Variants in PLA2G4F observed in about 807,000 individuals in gnomAD.
PLA2G4F encodes the protein cytosolic phospholipase A2 zeta.
PLA2G4F carries 105 observed loss-of-function variants against 103.1 expected under a neutral mutation model. The ratio of observed to expected loss-of-function variants is 1.02; its 90% CI spans 0.87 to 1.20. PLA2G4F has a LOEUF of 1.20. PLA2G4F is among the 50% of genes most tolerant of loss of function. The pLI, the probability that PLA2G4F is intolerant of heterozygous loss-of-function variation, is 0.00. For missense variants in PLA2G4F, 1,155 were observed against 1,075.9 expected, an observed-to-expected ratio of 1.07 and a Z score of -1.03; for synonymous variants, 468 against 441.1, an observed-to-expected ratio of 1.06 and a Z score of -0.76.
rs771499054 is a variant in PLA2G4F at position 42,147,722 on chromosome 15, C to T, written c.1100G>A (p.Arg367Gln). 3.4e-5 allele frequency: 55 copies of T among 1,610,488 alleles called. 1 individual carries two copies. In the Middle Eastern group the frequency reaches 4.9e-4, roughly 14 times the overall value. The change falls in exon 12 of 20, where the codon CGA (arginine) becomes CAA (glutamine). Residue 367 changes from arginine to glutamine, a missense_variant. Around this residue, in one of 3 missense-constraint regions of PLA2G4F, gnomAD observed 782 missense variants for 692.9 expected, o/e 1.13. Coordinates refer to ENST00000397272, the MANE Select transcript of PLA2G4F (RefSeq NM_213600.4). ...GCTGCCGTACAGAGAAGACATGGCT[C>T]GGGTTCCACCCCCGGAACCCAACAC... ...VAVLGSGGGT[R>Q]AMSSLYGSLA... is the part of the protein sequence containing the mutation.
intron 16 of PLA2G4F, 87 bp from the exon 17 acceptor site, chr15:42,144,731 C>A: frequency 1.5e-6 from 2 of 1,306,974 alleles, no homozygotes; most frequent in South Asian, 3.2e-5. Context: ...TGCCCCTCCC[C>A]AACAGTGAGC....
In PLA2G4F at chr15:42,147,281, C is replaced by A; in HGVS notation, c.1262G>T (p.Arg421Leu). 1.9e-6 allele frequency: 3 copies of A among 1,611,378 alleles called. No individual in the cohort carries two copies. The highest frequency in any genetic ancestry group is 1.7e-6 in the Non-Finnish European group (2 of 1,179,982). Residue 421 changes from arginine to leucine, a missense_variant, in exon 13 of 20, where the codon CGT becomes CTT. Coordinates refer to ENST00000397272, the MANE Select transcript of PLA2G4F (RefSeq NM_213600.4). ...SQVALQGPIE[R>L]AQVHVCSSKM... ...ACTGCTGCAGACGTGAACCTGGGCA[C>A]GCTCAATGGGGCCCTGCAAGGCCAC...
rs539179839 is a variant in PLA2G4F at position 42,142,221 on chromosome 15, C to G, written c.2330-17G>C. 6.9e-6 allele frequency: 11 copies of G among 1,599,000 alleles called. No homozygotes were observed. The South Asian group carries it at 1.2e-4, about 18-fold the overall frequency. ...GCTCCACACCTGTGGGTGGGGGAAG[C>G]AGAGGAGAGGCCAGGATGGAGCCCT... On this transcript the variant is annotated splice_polypyrimidine_tract_variant and intron_variant, in intron 19 of 19. Transcript: ENST00000397272.
Position 42,143,960 on chromosome 15 carries a change from C to T in PLA2G4F, c.2142+18G>A, listed in dbSNP as rs2048851249. Reference sequence around the variant, plus strand: ...CACTCACTGCAGGTGCTCCCCACATCCCTGCCTCCCAGCTCACCTCAAAAG... The same window carrying T: ...CACTCACTGCAGGTGCTCCCCACATTCCTGCCTCCCAGCTCACCTCAAAAG... On this transcript the variant is annotated intron_variant, in intron 18 of 19. Coordinates refer to ENST00000397272, the MANE Select transcript of PLA2G4F (RefSeq NM_213600.4). The T allele has an allele frequency of 6.3e-7, 1 of 1,587,924 alleles. No individual in the cohort carries two copies. The highest frequency in any genetic ancestry group is 8.6e-7 in the Non-Finnish European group (1 of 1,164,622).
At position 42,142,626 on chromosome 15, in the gene PLA2G4F, C is replaced by T. The variant is rs28674123; in HGVS notation, c.2231G>A (p.Arg744His). ...AGCCTTGGCAAACAGATAGCACTCA[C>T]GGGCCTCCTCCATGTCCTCAGGGCC... is the stretch of plus-strand genomic sequence containing the variant. ...EVGPEDMEEA[R>H]ECYLFAKAED... Residue 744 changes from arginine to histidine, a missense_variant, in exon 19 of 20, where the codon CGT becomes CAT. This residue lies in a region of PLA2G4F where 782 missense variants were observed against 692.9 expected (regional missense o/e 1.13). Transcript: ENST00000397272. 37,135 of 1,613,980 alleles carry T rather than the reference C, an allele frequency of 0.023. 535 individuals carry two copies. Among genetic ancestry groups the T allele is most frequent in the Non-Finnish European group, 0.028 (33,415 of 1,179,930 alleles).
intron 4 of PLA2G4F, 93 bp downstream of exon 4, chr15:42,153,999 T>C: frequency 6.4e-7 from 1 of 1,566,400 alleles, no homozygotes; most frequent in Non-Finnish European, 8.7e-7. Context: ...CCTTGGAGGC[T>C]TGGCCTGTGC....
chr15:42,152,289 GCT>G (rs1318753291), intron 7 of PLA2G4F, among the ~76,000 whole-genome samples: 1 of 152,236 alleles, frequency 6.6e-6, no homozygotes, highest in Non-Finnish European at 1.5e-5. Flanking sequence ...AGTTGGGCTT[GCT>G]CTCTTGTTCC....
rs372857549 is a variant in PLA2G4F at position 42,150,464 on chromosome 15, T to C, written c.794A>G (p.Glu265Gly). ...AVQSGPSAELEAQTSKLGEGG... is the reference protein window; with the variant it reads ...AVQSGPSAELGAQTSKLGEGG... ...CTCGCCCAGCTTGCTGGTCTGAGCCTCCAACTCTGCGCTGGGGCCACTCTG... is the reference window on the plus strand; with the variant it reads ...CTCGCCCAGCTTGCTGGTCTGAGCCCCCAACTCTGCGCTGGGGCCACTCTG... The change falls in exon 9 of 20, where the codon GAG (glutamate) becomes GGG (glycine). Residue 265 changes from glutamate to glycine, a missense_variant. Physicochemically the swap from Glu to Gly is moderately conservative, Grantham distance 98. Coordinates refer to ENST00000397272, the MANE Select transcript of PLA2G4F (RefSeq NM_213600.4). 1.7e-4 allele frequency: 269 copies of C among 1,613,048 alleles called. No individual in the cohort carries two copies. Among genetic ancestry groups the C allele is most frequent in the Admixed American group, 8.8e-4 (53 of 59,910 alleles).
chr15:42,144,758 C>G, intron 16 of PLA2G4F, 114 bp from the exon 17 acceptor site: 1 of 1,113,704 alleles, frequency 9.0e-7, no homozygotes, highest in Non-Finnish European at 1.2e-6. Flanking sequence ...CACATCCCTC[C>G]TCCTCCCTGA....
At position 42,142,077 on chromosome 15, in the gene PLA2G4F, A is replaced by G. The variant is rs753765043; in HGVS notation, c.2457T>C (p.Ser819=). Residue 819 remains serine, a synonymous_variant, in exon 20 of 20, where the codon AGT becomes AGC. Coordinates refer to ENST00000397272, the MANE Select transcript of PLA2G4F (RefSeq NM_213600.4). ...PQDFYRLVAL[S]RYNVLNNVET... ...CCACGTTGTTCAGGACGTTGTATCGACTGAGGGCCACCAGCCGATAAAAGT... is the reference window on the plus strand; with the variant it reads ...CCACGTTGTTCAGGACGTTGTATCGGCTGAGGGCCACCAGCCGATAAAAGT... The G allele has an allele frequency of 2.3e-5, 37 of 1,614,200 alleles. No individual in the cohort carries two copies. The South Asian group carries it at 3.8e-4, about 17-fold the overall frequency.
At chr15:42,143,175 C>T (rs2048842740) in intron 18 of PLA2G4F, among the ~76,000 whole-genome samples, 2 of 39,564 alleles carry the variant, frequency 5.1e-5, no homozygotes, top group African/African-American at 3.2e-4. Context: ...GAGACTCCAT[C>T]TAAAAAAAAA....
intron 11 of PLA2G4F, 178 bp downstream of exon 11, chr15:42,149,535 T>A: frequency 2.0e-6 from 2 of 985,402 alleles, no homozygotes; most frequent in Non-Finnish European, 1.2e-6. Context: ...CATCCAGCTT[T>A]GGCCAGGGCC....
rs111633028 is a variant in PLA2G4F, at chr15:42,147,246, C to T, written c.1297G>A (p.Ala433Thr). The T allele has an allele frequency of 0.065, 105,540 of 1,612,432 alleles. 4,542 individuals carry two copies. Among genetic ancestry groups the T allele is most frequent in the South Asian group, 0.17 (15,902 of 91,026 alleles). Residue 433 changes from alanine to threonine, a missense_variant, in exon 13 of 20, where the codon GCT (alanine) becomes ACT (threonine). Physicochemically the swap from Ala to Thr is moderately conservative, Grantham distance 58. This residue lies in a region of PLA2G4F where 782 missense variants were observed against 692.9 expected (regional missense o/e 1.13). Transcript: ENST00000397272. ...TACTGTAGCCGCTCCGTGGACAAAG[C>T]TCCCATCTTACTGCTGCAGACGTGA... ...QVHVCSSKMG[A>T]LSTERLQYYT...
chr15:42,142,544 G>A lies in PLA2G4F; in HGVS notation c.2313C>T (p.Arg771=), dbSNP rs1185138671. 6.2e-6 allele frequency: 10 copies of A among 1,613,894 alleles called. No homozygotes were observed. Among genetic ancestry groups the A allele is most frequent in the Non-Finnish European group, 8.5e-6 (10 of 1,179,884 alleles). Residue 771 remains arginine, a synonymous_variant, in exon 19 of 20, where the codon CGC becomes CGT. Coordinates refer to ENST00000397272, the MANE Select transcript of PLA2G4F (RefSeq NM_213600.4). ...TTCCCTTACCTGGGGCCAGGTGTGT[G>A]CGGAAGGTACGGTTAACCAGGGGGA... ...LHFPLVNRTF[R]THLAPGVERQ... is the part of the protein sequence containing the mutation.
intron 18 of PLA2G4F, among the ~76,000 whole-genome samples, chr15:42,143,564 A>G (rs531803609): frequency 1.5e-4 from 23 of 152,292 alleles, no homozygotes; most frequent in Non-Finnish European, 2.4e-4. Flanking sequence ...GACTTGCTGC[A>G]GGGCTTCTGC....
At chr15:42,152,573 G>A (rs1223977441) in intron 7 of PLA2G4F, 115 bp downstream of exon 7, 7 of 1,087,498 alleles carry the variant, frequency 6.4e-6, no homozygotes, top group African/African-American at 4.7e-5. Context: ...ATCGTTAGTC[G>A]GCTTTGAGCA....
Position 42,153,423 on chromosome 15 carries a change from C to T in PLA2G4F, c.492-81G>A, listed in dbSNP as rs112858254. ...TACAATCATAATGTGACTGAAGCAG[C>T]GGGCAGAGCATGAGGAACACAGCAG... On this transcript the variant is annotated intron_variant, in intron 5 of 19. Coordinates refer to ENST00000397272, the MANE Select transcript of PLA2G4F (RefSeq NM_213600.4). 7.7e-5 allele frequency: 119 copies of T among 1,547,684 alleles called. No individual in the cohort carries two copies. In the African/African-American group the frequency reaches 1.3e-3, roughly 18 times the overall value.
chr15:42,153,259 C>A (rs1487052069), intron 6 of PLA2G4F, 41 bp downstream of exon 6: 4 of 1,596,368 alleles, frequency 2.5e-6, no homozygotes, highest in Non-Finnish European at 2.6e-6. Flanking sequence ...CCTCACTGCC[C>A]CCCAGCCCAG....
Position 42,145,596 on chromosome 15 carries a change from T to C in PLA2G4F, c.1759A>G (p.Arg587Gly). The stretch of plus-strand genomic sequence containing the variant: ...TCACCTGTGATATTCACACTGCCTC[T>C]GTACCACTCCAGGAAGCTGAGGCCC... ...GSGLSFLEWY[R>G]GSVNITDDCQ... The change falls in exon 16 of 20, where the codon AGA (arginine) becomes GGA (glycine). Residue 587 changes from arginine (R) to glycine (G), a missense_variant. Arg to Gly is a moderately radical substitution (Grantham distance 125). Around this residue, in one of 3 missense-constraint regions of PLA2G4F, gnomAD observed 782 missense variants for 692.9 expected, o/e 1.13. Coordinates refer to ENST00000397272, the MANE Select transcript of PLA2G4F (RefSeq NM_213600.4). 1 of 1,614,136 alleles carries C rather than the reference T, an allele frequency of 6.2e-7. No homozygotes were observed. Among genetic ancestry groups the C allele is most frequent in the South Asian group, 1.1e-5 (1 of 91,084 alleles).
Sources: gnomAD v4.1 joint callset for allele counts (sites outside exome capture counted in the v4.1 genomes callset) on GRCh38, gnomAD v4.1.1 for gene constraint, gnomAD v4.1.1 regional missense constraint, MANE v1.5 for transcripts, NCBI Gene and HGNC (gene_info 2026-07-23, HGNC 2026-07-21) for gene names.